Variants in CREB3L2 observed in about 807,000 individuals in gnomAD.
The protein encoded by CREB3L2 is cAMP responsive element binding protein 3 like 2.
Under a neutral mutation model 57.2 loss-of-function variants are expected in CREB3L2, and 23 were observed. That is an observed-to-expected ratio of 0.40 (90% CI 0.29 to 0.57). The LOEUF (loss-of-function observed/expected upper bound fraction) is 0.57, where lower values mean the gene tolerates loss of function less well. CREB3L2 is among the 20% of genes least tolerant of loss of function. The pLI, the probability that CREB3L2 is intolerant of heterozygous loss-of-function variation, is 0.42. For missense variants in CREB3L2, 628 were observed against 634.7 expected, an observed-to-expected ratio of 0.99 and a Z score of 0.11; for synonymous variants, 268 against 265.1, an observed-to-expected ratio of 1.01 and a Z score of -0.11.
intron 1 of CREB3L2, among the ~76,000 whole-genome samples, chr7:137,986,105 C>A (rs572273841): frequency 1.3e-5 from 2 of 152,172 alleles, no homozygotes; most frequent in African/African-American, 4.8e-5. Flanking sequence ...TCCACCATGG[C>A]CTTGTGAAAC....
At position 137,916,010 on chromosome 7, in the gene CREB3L2, C is replaced by T; in HGVS notation, c.322G>A (p.Glu108Lys). ...AGGTACCATTTCTCACTTTCCACCTCATCTGCAGGAAAAAAGACAAGCACA... is the reference window on the plus strand; with the variant it reads ...AGGTACCATTTCTCACTTTCCACCTTATCTGCAGGAAAAAAGACAAGCACA... ...ITTSDSFNDD[E>K]VESEKWYLST... is the part of the protein sequence containing the mutation. Residue 108 changes from glutamate to lysine, a missense_variant and splice_region_variant, in exon 3 of 12, where the codon GAG becomes AAG. Glu to Lys is a moderately conservative substitution (Grantham distance 56). Around this residue, in one of 3 missense-constraint regions of CREB3L2, gnomAD observed 339 missense variants for 355.4 expected, o/e 0.95. Coordinates refer to ENST00000330387, the MANE Select transcript of CREB3L2 (RefSeq NM_194071.4). 1.9e-6 allele frequency: 3 copies of T among 1,609,238 alleles called. No homozygotes were observed. Among genetic ancestry groups the T allele is most frequent in the Non-Finnish European group, 2.5e-6 (3 of 1,178,046 alleles).
intron 1 of CREB3L2, among the ~76,000 whole-genome samples, chr7:137,959,193 A>G (rs1056132839): frequency 6.6e-6 from 1 of 152,200 alleles, no homozygotes; most frequent in African/African-American, 2.4e-5. Flanking sequence ...TTGATTCTGC[A>G]ATGGCATTTC....
At chr7:137,882,729 G>T in intron 10 of CREB3L2, 101 bp from the exon 11 acceptor site, 1 of 756,852 alleles carries the variant, frequency 1.3e-6, no homozygotes, top group Non-Finnish European at 2.0e-6. Flanking sequence ...ATGACAATGT[G>T]TGTGTTCTCG....
intron 1 of CREB3L2, among the ~76,000 whole-genome samples, chr7:137,943,036 G>C (rs554273229): frequency 1.3e-3 from 201 of 152,304 alleles, no homozygotes; most frequent in African/African-American, 4.5e-3. Flanking sequence ...ATAGCAGAAA[G>C]AATGCCTTGT....
At chr7:137,975,303 T>C (rs117930322) in intron 1 of CREB3L2, among the ~76,000 whole-genome samples, 405 of 152,262 alleles carry the variant, frequency 2.7e-3, no homozygotes, top group Non-Finnish European at 3.9e-3. Flanking sequence ...CAAGAGGCTC[T>C]CAGAAGGGGA....
intron 1 of CREB3L2, among the ~76,000 whole-genome samples, chr7:137,968,780 T>A (rs1801452121): frequency 6.6e-6 from 1 of 152,232 alleles, no homozygotes; most frequent in South Asian, 2.1e-4. Context: ...CCACCAACTC[T>A]CTATCCCAAC....
intron 1 of CREB3L2, among the ~76,000 whole-genome samples, chr7:137,976,428 T>C (rs1036633386): frequency 2.6e-5 from 4 of 151,950 alleles, no homozygotes; most frequent in African/African-American, 7.3e-5. Flanking sequence ...TGGCTGCATA[T>C]TACAATCATC....
chr7:137,988,075 G>A (rs1377366798), intron 1 of CREB3L2, among the ~76,000 whole-genome samples: 1 of 152,208 alleles, frequency 6.6e-6, no homozygotes, highest in Admixed American at 6.5e-5. Context: ...TGTGCAGTCT[G>A]AGGCAGAATT....
chr7:137,982,330 C>T (rs768367741), intron 1 of CREB3L2, among the ~76,000 whole-genome samples: 3 of 152,224 alleles, frequency 2.0e-5, no homozygotes, highest in East Asian at 1.9e-4. Context: ...CTCTGGTCAC[C>T]GCCATGAGTC....
intron 4 of CREB3L2, among the ~76,000 whole-genome samples, chr7:137,911,472 G>T (rs971989894): frequency 1.3e-5 from 2 of 152,074 alleles, no homozygotes; most frequent in African/African-American, 4.8e-5. Context: ...ATACCTTTTC[G>T]GTGACAACTG....
intron 8 of CREB3L2, among the ~76,000 whole-genome samples, chr7:137,891,518 T>C (rs2117185030): frequency 6.6e-6 from 1 of 151,700 alleles, no homozygotes; most frequent in Non-Finnish European, 1.5e-5. Context: ...AAAAAAGTGG[T>C]GGTTCCCAAT....
intron 1 of CREB3L2, among the ~76,000 whole-genome samples, chr7:137,941,813 T>C (rs1201030438): frequency 1.3e-5 from 2 of 152,246 alleles, no homozygotes; most frequent in Non-Finnish European, 2.9e-5. Flanking sequence ...TAATAAATGT[T>C]AGCTGTTTTA....
At chr7:137,985,402 T>C (rs1054370798) in intron 1 of CREB3L2, among the ~76,000 whole-genome samples, 1 of 152,154 alleles carries the variant, frequency 6.6e-6, no homozygotes, top group Non-Finnish European at 1.5e-5. Context: ...TTTGCTGCAG[T>C]GTATGGACAG....
intron 1 of CREB3L2, among the ~76,000 whole-genome samples, chr7:137,971,645 T>C (rs1425988747): frequency 6.6e-6 from 1 of 151,708 alleles, no homozygotes; most frequent in East Asian, 1.9e-4. Context: ...TATCATAAGT[T>C]CTTACCTTAA....
chr7:137,935,088 T>C (rs1389755401), intron 1 of CREB3L2, among the ~76,000 whole-genome samples: 1 of 152,210 alleles, frequency 6.6e-6, no homozygotes, highest in African/African-American at 2.4e-5. Context: ...GCCCTAAATT[T>C]GAATCCTGGC....
chr7:137,920,349 T>C (rs756610244), intron 2 of CREB3L2, among the ~76,000 whole-genome samples: 33 of 152,282 alleles, frequency 2.2e-4, no homozygotes, highest in South Asian at 6.2e-4. Flanking sequence ...AATCTAGTGA[T>C]CTCAGGAGAA....
chr7:137,908,844 G>A (rs751231039), intron 4 of CREB3L2, among the ~76,000 whole-genome samples: 1 of 152,096 alleles, frequency 6.6e-6, no homozygotes, highest in Non-Finnish European at 1.5e-5. Flanking sequence ...GTGGTGGCAC[G>A]TGCCTATAAT....
At chr7:137,884,415 T>A (rs1799366745) in intron 10 of CREB3L2, 1 of 154,156 alleles carries the variant, frequency 6.5e-6, no homozygotes, top group African/African-American at 2.4e-5. Context: ...CCCGGCTAAT[T>A]TTTTTGTATT....
intron 1 of CREB3L2, among the ~76,000 whole-genome samples, chr7:137,944,962 G>A (rs961884877): frequency 1.3e-5 from 2 of 151,908 alleles, no homozygotes; most frequent in Non-Finnish European, 2.9e-5. Context: ...GCATGATCTC[G>A]ACTCACTGCA....
Sources: gnomAD v4.1 joint callset for allele counts (sites outside exome capture counted in the v4.1 genomes callset) on GRCh38, gnomAD v4.1.1 for gene constraint, gnomAD v4.1.1 regional missense constraint, MANE v1.5 for transcripts, NCBI Gene and HGNC (gene_info 2026-07-23, HGNC 2026-07-21) for gene names.